Variants in LAMA1 observed in about 807,000 individuals in gnomAD.
LAMA1 encodes laminin subunit alpha-1.
A neutral mutation model predicts 348.7 loss-of-function variants in LAMA1; 219 were observed. That is an observed-to-expected ratio of 0.63 (90% confidence interval 0.56 to 0.70). The LOEUF is 0.70. LAMA1 is among the 30% of genes least tolerant of loss of function. The pLI, the probability that LAMA1 is intolerant of heterozygous loss-of-function variation, is 0.00. For missense variants in LAMA1, 3,744 were observed against 3,888.0 expected, an observed-to-expected ratio of 0.96 and a Z score of 0.99; for synonymous variants, 1,487 against 1,491.0, an observed-to-expected ratio of 1.00 and a Z score of 0.06.
At chr18:6,976,731 T>G (rs1345135868) in intron 44 of LAMA1, among the ~76,000 whole-genome samples, 2 of 151,992 alleles carry the variant, frequency 1.3e-5, no homozygotes, top group Non-Finnish European at 2.9e-5. Context: ...CTCAGCCTCC[T>G]GAGTAGCTGG....
intron 5 of LAMA1, among the ~76,000 whole-genome samples, chr18:7,048,035 G>A (rs1385481735): frequency 1.3e-5 from 2 of 152,102 alleles, no homozygotes; most frequent in African/African-American, 2.4e-5. Context: ...ATTGGGATTC[G>A]TCACAAAACC....
At chr18:6,955,902 G>C (rs985114493) in intron 56 of LAMA1, 4 of 346,396 alleles carry the variant, frequency 1.2e-5, no homozygotes, top group Non-Finnish European at 2.3e-5. Flanking sequence ...CAGGGCCTCA[G>C]AGTGTGAACC....
At chr18:7,061,799 C>T (rs1402370444) in intron 3 of LAMA1, among the ~76,000 whole-genome samples, 1 of 152,200 alleles carries the variant, frequency 6.6e-6, no homozygotes, top group Middle Eastern at 3.2e-3. Context: ...CACACTCCCT[C>T]CTGCATCACA....
intron 3 of LAMA1, among the ~76,000 whole-genome samples, chr18:7,064,834 T>G (rs1251076311): frequency 6.6e-6 from 1 of 152,194 alleles, no homozygotes; most frequent in Non-Finnish European, 1.5e-5. Flanking sequence ...AATTCTTAAA[T>G]TATATGATTG....
chr18:7,035,429 T>G (rs2483370), intron 13 of LAMA1, among the ~76,000 whole-genome samples: 1 of 149,886 alleles, frequency 6.7e-6, no homozygotes, highest in Admixed American at 6.6e-5. Flanking sequence ...TACTTAAAAT[T>G]TTTTTTTTTT....
chr18:7,095,310 T>C (rs1380933947), intron 1 of LAMA1, among the ~76,000 whole-genome samples: 2 of 152,214 alleles, frequency 1.3e-5, no homozygotes, highest in African/African-American at 4.8e-5. Flanking sequence ...ACCACATTAA[T>C]AGATTACTCT....
chr18:6,997,865 T>G lies in LAMA1; in HGVS notation c.4683A>C (p.Val1561=), dbSNP rs1243187908. ...CATCCAAGTCATTCAGCAGCACACC[T>G]ACACACTCATCATCACAGGCTACAA... is the stretch of plus-strand genomic sequence containing the variant. The part of the protein sequence containing the change: ...TDCVSCDDEC[V]GVLLNDLDEI... Residue 1561 remains valine, a synonymous_variant, in exon 33 of 63, where the codon GTA becomes GTC. Coordinates refer to ENST00000389658, the MANE Select transcript of LAMA1 (RefSeq NM_005559.4). 6.2e-7 allele frequency: 1 copy of G among 1,614,152 alleles called. No individual in the cohort carries two copies. Among genetic ancestry groups the G allele is most frequent in the South Asian group, 1.1e-5 (1 of 91,082 alleles).
chr18:6,956,382 G>A (rs1340418462), intron 56 of LAMA1: 2 of 647,786 alleles, frequency 3.1e-6, no homozygotes, highest in Admixed American at 2.1e-5. Flanking sequence ...TCTGCCAAAA[G>A]CATATTATAC....
intron 1 of LAMA1, among the ~76,000 whole-genome samples, chr18:7,092,092 T>C (rs75042411): frequency 6.6e-6 from 1 of 152,322 alleles, no homozygotes; most frequent in East Asian, 1.9e-4. Context: ...AGAGTTAAAT[T>C]ATTTTGGTGT....
intron 3 of LAMA1, among the ~76,000 whole-genome samples, chr18:7,067,841 G>C (rs7228702): frequency 2.6e-5 from 4 of 151,278 alleles, no homozygotes; most frequent in Non-Finnish European, 5.9e-5. Flanking sequence ...CCCTTCCTCC[G>C]GTGGGTCCTT....
At position 7,007,182 on chromosome 18, in the gene LAMA1, T is replaced by C. The variant is rs1040112684; in HGVS notation, c.4217A>G (p.Asn1406Ser). The C allele has an allele frequency of 1.1e-5, 18 of 1,614,020 alleles. No individual in the cohort carries two copies. Among genetic ancestry groups the C allele is most frequent in the African/African-American group, 2.7e-5 (2 of 74,918 alleles). The change falls in exon 29 of 63, where the codon AAC (asparagine) becomes AGC (serine). Residue 1406 changes from asparagine to serine, a missense_variant. Transcript: ENST00000389658. Reference sequence around the variant, plus strand: ...GGGGTCACAGGTGTCACTGTGGTTGTTGCAACTGCAGGGAACACAAGGAGC... The same window carrying C: ...GGGGTCACAGGTGTCACTGTGGTTGCTGCAACTGCAGGGAACACAAGGAGC... ...LVAPCVPCSC[N>S]NHSDTCDPNT...
At chr18:7,000,021 G>C (rs1568025143) in intron 30 of LAMA1, 24 bp from the exon 31 acceptor site, 1 of 1,527,184 alleles carries the variant, frequency 6.5e-7, no homozygotes, top group Non-Finnish European at 9.1e-7. Flanking sequence ...ATTTCTTTTT[G>C]AATTTTCAGA....
chr18:6,978,407 C>A, intron 42 of LAMA1, 29 bp from the exon 43 acceptor site: 1 of 1,573,990 alleles, frequency 6.4e-7, no homozygotes, highest in Non-Finnish European at 8.7e-7. Flanking sequence ...AAAGCATGCA[C>A]TTCTGGTGCT....
At position 6,947,277 on chromosome 18, in the gene LAMA1, G is replaced by A; in HGVS notation, c.8730C>T (p.Val2910=). The change falls in exon 61 of 63, where the codon GTC becomes GTT. Residue 2910 remains valine, a synonymous_variant. Coordinates refer to ENST00000389658, the MANE Select transcript of LAMA1 (RefSeq NM_005559.4). Reference sequence around the variant, plus strand: ...CCAGTGTGATGTTCACATCTGACTGGACTTTGTAGCCCTCTTTGACTGTAA... The same window carrying A: ...CCAGTGTGATGTTCACATCTGACTGAACTTTGTAGCCCTCTTTGACTGTAA... ...YAALVKEGYK[V]QSDVNITLEF... The A allele has an allele frequency of 6.2e-7, 1 of 1,613,868 alleles. No individual in the cohort carries two copies. The highest frequency in any genetic ancestry group is 8.5e-7 in the Non-Finnish European group (1 of 1,180,016).
intron 29 of LAMA1, 35 bp from the exon 30 acceptor site, chr18:7,002,420 T>A (rs755668378): frequency 7.6e-6 from 12 of 1,569,174 alleles, no homozygotes; most frequent in Non-Finnish European, 1.0e-5. Context: ...GGGGAAAAAA[T>A]GGGAAATTGT....
chr18:7,054,641 T>C (rs1382757614), intron 3 of LAMA1, among the ~76,000 whole-genome samples: 1 of 152,204 alleles, frequency 6.6e-6, no homozygotes, highest in Non-Finnish European at 1.5e-5. Flanking sequence ...TGTGTGTGTG[T>C]ACAGTTGACC....
chr18:7,052,016 A>G (rs2058063881), intron 3 of LAMA1, among the ~76,000 whole-genome samples: 1 of 152,220 alleles, frequency 6.6e-6, no homozygotes, highest in Non-Finnish European at 1.5e-5. Flanking sequence ...ACTTGGAAGC[A>G]ACCAAGATGT....
intron 1 of LAMA1, among the ~76,000 whole-genome samples, chr18:7,105,160 CA>C (rs2058306806): frequency 6.6e-6 from 1 of 151,994 alleles, no homozygotes; most frequent in Non-Finnish European, 1.5e-5. Flanking sequence ...AAGAGCAGAC[CA>C]GGCGCAGTGG....
chr18:7,094,356 G>A (rs991434213), intron 1 of LAMA1, among the ~76,000 whole-genome samples: 5 of 150,998 alleles, frequency 3.3e-5, no homozygotes, highest in East Asian at 2.0e-4. Context: ...CCCAGGAGGC[G>A]GAGGTTGCAG....
Sources: gnomAD v4.1 joint callset for allele counts (sites outside exome capture counted in the v4.1 genomes callset) on GRCh38, gnomAD v4.1.1 for gene constraint, MANE v1.5 for transcripts, NCBI Gene and HGNC (gene_info 2026-07-23, HGNC 2026-07-21) for gene names.